The following MGAT4C variants were observed in gnomAD, a reference collection of about 807,000 sequenced individuals.
MGAT4C encodes MGAT4 family member C, also known as alpha-1,3-mannosyl-glycoprotein 4-beta-N-acetylglucosaminyltransferase C.
MGAT4C carries 19 observed loss-of-function variants against 40.1 expected under a neutral mutation model. The ratio of observed to expected loss-of-function variants is 0.47; its 90% CI spans 0.33 to 0.70. MGAT4C has a LOEUF of 0.70. Among genes scored for constraint, MGAT4C ranks in the 30% least tolerant of loss-of-function variants. The pLI is 0.02. For missense variants in MGAT4C, 491 were observed against 563.2 expected, an observed-to-expected ratio of 0.87 and a Z score of 1.30; for synonymous variants, 181 against 187.1, an observed-to-expected ratio of 0.97 and a Z score of 0.27.
intron 4 of MGAT4C, among the ~76,000 whole-genome samples, chr12:85,981,741 G>A (rs1458424898): frequency 1.3e-5 from 2 of 152,292 alleles, no homozygotes; most frequent in East Asian, 3.9e-4. Flanking sequence ...ACGGTGAGAT[G>A]AGGTGACTCA....
In MGAT4C at chr12:86,169,024, G is replaced by C. The variant is rs11103875; in HGVS notation, c.-57+87215C>G. Among the ~76,000 whole-genome samples the C allele has an allele frequency of 8.8e-3, 1,341 of 151,978 alleles. 15 individuals are homozygous for C. Among genetic ancestry groups the C allele is most frequent in the Non-Finnish European group, 0.014 (968 of 67,932 alleles). Reference sequence around the variant, plus strand: ...AGATAAGATTGTAAAAAAATGTGGGGGAAAACTGCCCCCAAAACATGTCAA... The same window carrying C: ...AGATAAGATTGTAAAAAAATGTGGGCGAAAACTGCCCCCAAAACATGTCAA... On this transcript the variant is annotated intron_variant, in intron 1 of 4. Coordinates refer to ENST00000611864, the MANE Select transcript of MGAT4C (RefSeq NM_001351288.2).
At chr12:86,743,114 GCA>G (rs1951098000) in intron 1 of MGAT4C, among the ~76,000 whole-genome samples, 1 of 123,288 alleles carries the variant, frequency 8.1e-6, no homozygotes, top group South Asian at 2.8e-4. Flanking sequence ...ATGTGTGTAT[GCA>G]TGTGTGTGTG....
chr12:86,568,968 A>G (rs563348463), intron 2 of MGAT4C, among the ~76,000 whole-genome samples: 3 of 152,120 alleles, frequency 2.0e-5, no homozygotes, highest in Admixed American at 2.0e-4. Context: ...TTAAACTAAA[A>G]AGGCGCTTCC....
intron 3 of MGAT4C, among the ~76,000 whole-genome samples, chr12:86,402,599 A>C (rs1338017485): frequency 6.6e-6 from 1 of 152,136 alleles, no homozygotes; most frequent in Non-Finnish European, 1.5e-5. Context: ...ATATCAGTAG[A>C]CAGAGATATT....
chr12:86,541,351 ATTTGTGGACTACGATCTG>A (rs1959166737), intron 2 of MGAT4C, among the ~76,000 whole-genome samples: 1 of 152,214 alleles, frequency 6.6e-6, no homozygotes, highest in African/African-American at 2.4e-5. Context: ...GCAACATAAA[ATTTGTGGACTACGATCTG>A]TTGAAAATCT....
chr12:86,658,338 T>C (rs777464516), intron 2 of MGAT4C, among the ~76,000 whole-genome samples: 2 of 152,096 alleles, frequency 1.3e-5, no homozygotes, highest in Non-Finnish European at 2.9e-5. Flanking sequence ...AAAAACATCT[T>C]TGAAGATACT....
intron 2 of MGAT4C, among the ~76,000 whole-genome samples, chr12:86,602,871 C>T (rs1354636735): frequency 7.1e-6 from 1 of 140,078 alleles, no homozygotes; most frequent in East Asian, 2.1e-4. Flanking sequence ...ATCTCAAACA[C>T]CTGCCCATCT....
In MGAT4C at chr12:85,960,704, T is replaced by C. The variant is rs955267040; in HGVS notation, c.*18585A>G. On this transcript the variant is annotated 3_prime_UTR_variant, in exon 5 of 5. Transcript: ENST00000611864. ...TTGAAGACTGTGCTGAAGGAAATGA[T>C]GGCATGAACAACTCTAGATAATTTT... 7 of 148,210 alleles carry C rather than the reference T, an allele frequency of 4.7e-5. No homozygotes were observed. The highest frequency in any genetic ancestry group is 3.4e-3 in the Middle Eastern group (1 of 292). 9.2% of individuals were successfully genotyped at this position (148,210 alleles called of 1,614,324 possible). A position where few individuals can be genotyped will look rare whatever the true frequency, so the allele number is the denominator to read the frequency against.
At chr12:86,193,058 GGTT>G (rs549221882) in intron 1 of MGAT4C, among the ~76,000 whole-genome samples, 124 of 151,754 alleles carry the variant, frequency 8.2e-4, no homozygotes, top group African/African-American at 2.8e-3. Flanking sequence ...GCATAAATCA[GGTT>G]TTTTTCTATT....
intron 1 of MGAT4C, among the ~76,000 whole-genome samples, chr12:86,773,352 G>T (rs887885676): frequency 3.3e-5 from 5 of 152,062 alleles, no homozygotes; most frequent in Admixed American, 3.3e-4. Context: ...CAGGGAAAAA[G>T]CCTCCCCTTT....
At chr12:86,502,862 C>T (rs1958381404) in intron 2 of MGAT4C, among the ~76,000 whole-genome samples, 1 of 74,016 alleles carries the variant, frequency 1.4e-5, no homozygotes, top group Non-Finnish European at 2.4e-5. Context: ...ATGAGTTCTG[C>T]TCATATATAT....
At chr12:86,061,450 G>A (rs1893953110) in intron 1 of MGAT4C, among the ~76,000 whole-genome samples, 1 of 147,982 alleles carries the variant, frequency 6.8e-6, no homozygotes, top group Non-Finnish European at 1.5e-5. Context: ...CAGACACTGA[G>A]CTAACTGCAG....
intron 2 of MGAT4C, among the ~76,000 whole-genome samples, chr12:86,663,226 A>T (rs1200744575): frequency 6.6e-6 from 1 of 151,700 alleles, no homozygotes; most frequent in Non-Finnish European, 1.5e-5. Flanking sequence ...TGGACACAGT[A>T]GTGCATGTCT....
At chr12:86,407,312 T>C (rs546509456) in intron 3 of MGAT4C, among the ~76,000 whole-genome samples, 2 of 152,084 alleles carry the variant, frequency 1.3e-5, no homozygotes, top group African/African-American at 2.4e-5. Context: ...TAATCAAGCA[T>C]CTTTGCTCAG....
intron 3 of MGAT4C, among the ~76,000 whole-genome samples, chr12:86,417,082 A>G (rs2136251113): frequency 6.6e-6 from 1 of 152,268 alleles, no homozygotes; most frequent in South Asian, 2.1e-4. Flanking sequence ...GGAAACTAAT[A>G]CATCCAATAA....
intron 1 of MGAT4C, chr12:86,067,993 C>T (rs17013605): frequency 6.6e-6 from 1 of 152,116 alleles, no homozygotes; most frequent in Non-Finnish European, 1.5e-5. Flanking sequence ...ACCAAAAAAT[C>T]TGGAAGATCC....
intron 2 of MGAT4C, among the ~76,000 whole-genome samples, chr12:86,602,752 A>G (rs1181345833): frequency 6.6e-6 from 1 of 152,062 alleles, no homozygotes; most frequent in Non-Finnish European, 1.5e-5. Context: ...ACCTGTAATG[A>G]GTTGATTTAA....
At chr12:86,127,870 C>T (rs550448807) in intron 1 of MGAT4C, among the ~76,000 whole-genome samples, 1 of 152,242 alleles carries the variant, frequency 6.6e-6, no homozygotes, top group African/African-American at 2.4e-5. Flanking sequence ...GGGAACAATT[C>T]CTTCTTTTCT....
chr12:86,319,827 TA>T (rs1491002084), intron 4 of MGAT4C, among the ~76,000 whole-genome samples: 2 of 152,174 alleles, frequency 1.3e-5, no homozygotes, highest in Non-Finnish European at 2.9e-5. Flanking sequence ...GGGGCTGAAT[TA>T]TTACCTCTCC....
Sources: allele counts gnomAD v4.1 joint callset (sites outside exome capture counted in the v4.1 genomes callset), GRCh38; gene constraint gnomAD v4.1.1; transcripts MANE v1.5; gene names NCBI Gene and HGNC (gene_info 2026-07-23, HGNC 2026-07-21).